TENM3: variants seen among roughly 807,000 people sequenced by gnomAD.
The protein encoded by TENM3 is teneurin-3.
A neutral mutation model predicts 255.1 loss-of-function variants in TENM3; 63 were observed. The ratio of observed to expected loss-of-function variants is 0.25; its 90% CI spans 0.20 to 0.30. The LOEUF (loss-of-function observed/expected upper bound fraction) is 0.30, where lower values mean the gene tolerates loss of function less well. Among genes scored for constraint, TENM3 ranks in the 10% least tolerant of loss-of-function variants. The pLI is 1.00. For missense variants in TENM3, 2,929 were observed against 3,461.1 expected (o/e 0.85, Z 3.86); for synonymous variants, 1,306 against 1,322.3 (o/e 0.99, Z 0.27).
the TENM3 span, among the ~76,000 whole-genome samples, chr4:181,511,938 A>G: frequency 3.3e-5 from 5 of 152,246 alleles, no homozygotes; most frequent in African/African-American, 1.2e-4. Flanking sequence ...GGGGCCCCTA[A>G]GAGTCTGTGT....
chr4:181,544,509 C>A, the TENM3 span, among the ~76,000 whole-genome samples: 1 of 149,908 alleles, frequency 6.7e-6, no homozygotes, highest in African/African-American at 2.4e-5. Context: ...TTCATGGAAG[C>A]ATTTAATTCC....
chr4:181,835,408 T>A, the TENM3 span, among the ~76,000 whole-genome samples: 1 of 152,220 alleles, frequency 6.6e-6, no homozygotes, highest in African/African-American at 2.4e-5. Flanking sequence ...TGGACACATA[T>A]TTACACTTGT....
the TENM3 span, among the ~76,000 whole-genome samples, chr4:181,776,439 G>C: frequency 6.6e-6 from 1 of 152,202 alleles, no homozygotes; most frequent in Non-Finnish European, 1.5e-5. Flanking sequence ...ATACCTAGCA[G>C]TGTGATTGCT....
At chr4:182,780,849 T>C (rs1350107118) in intron 24 of TENM3, among the ~76,000 whole-genome samples, 1 of 150,702 alleles carries the variant, frequency 6.6e-6, no homozygotes, top group Non-Finnish European at 1.5e-5. Context: ...CTGATTTGGC[T>C]CTCTGTTTGT....
At chr4:182,490,270 G>A (rs1735162757) in intron 3 of TENM3, among the ~76,000 whole-genome samples, 1 of 152,152 alleles carries the variant, frequency 6.6e-6, no homozygotes, top group Non-Finnish European at 1.5e-5. Context: ...AAATAAGAGT[G>A]TTTCTCAAAG....
At chr4:182,643,614 A>T (rs1752499744) in intron 5 of TENM3, among the ~76,000 whole-genome samples, 1 of 152,210 alleles carries the variant, frequency 6.6e-6, no homozygotes, top group Non-Finnish European at 1.5e-5. Flanking sequence ...TAAAGCCAGA[A>T]TTCAGACAGG....
chr4:182,198,899 C>T (rs1753997115), intron 1 of TENM3, among the ~76,000 whole-genome samples: 1 of 152,146 alleles, frequency 6.6e-6, no homozygotes, highest in Non-Finnish European at 1.5e-5. Flanking sequence ...ATTGGGAGGC[C>T]TTCCCATAGA....
chr4:182,782,888 T>G (rs1765291719), intron 24 of TENM3, among the ~76,000 whole-genome samples: 1 of 151,172 alleles, frequency 6.6e-6, no homozygotes, highest in Non-Finnish European at 1.5e-5. Flanking sequence ...CCCGGCCTTT[T>G]TTTGTTTTCC....
At chr4:181,633,293 C>T in the TENM3 span, among the ~76,000 whole-genome samples, 1 of 152,120 alleles carries the variant, frequency 6.6e-6, no homozygotes, top group Non-Finnish European at 1.5e-5. Context: ...GATAAGAAAG[C>T]TTATGTAGTC....
the TENM3 span, among the ~76,000 whole-genome samples, chr4:181,736,197 C>T: frequency 6.6e-6 from 1 of 152,070 alleles, no homozygotes; most frequent in African/African-American, 2.4e-5. Context: ...ACTTGGGAGG[C>T]TGAGGCAGGA....
chr4:182,750,868 T>C (rs2152747480), intron 19 of TENM3, among the ~76,000 whole-genome samples: 1 of 152,328 alleles, frequency 6.6e-6, no homozygotes, highest in South Asian at 2.1e-4. Flanking sequence ...TTCAGGTTTT[T>C]GTTCAGAAGA....
At chr4:181,701,414 T>G in the TENM3 span, among the ~76,000 whole-genome samples, 1 of 152,230 alleles carries the variant, frequency 6.6e-6, no homozygotes, top group East Asian at 1.9e-4. Flanking sequence ...TGCATAAACA[T>G]TGATTTAGCC....
At chr4:182,042,432 T>C in the TENM3 span, among the ~76,000 whole-genome samples, 1 of 152,010 alleles carries the variant, frequency 6.6e-6, no homozygotes, top group African/African-American at 2.4e-5. Context: ...TCAGGATGAG[T>C]GTACAGTAAC....
At chr4:181,952,617 T>A in the TENM3 span, among the ~76,000 whole-genome samples, 1 of 152,216 alleles carries the variant, frequency 6.6e-6, no homozygotes, top group Admixed American at 6.5e-5. Context: ...TCAGAAGATA[T>A]AATGACTCAG....
At chr4:182,757,475 G>A (rs994848798) in intron 22 of TENM3, among the ~76,000 whole-genome samples, 19 of 152,058 alleles carry the variant, frequency 1.2e-4, no homozygotes, top group African/African-American at 4.1e-4. Context: ...GTCCTTACTC[G>A]TTCCCAGGAG....
chr4:182,009,763 T>C, the TENM3 span, among the ~76,000 whole-genome samples: 1 of 152,218 alleles, frequency 6.6e-6, no homozygotes, highest in Admixed American at 6.5e-5. Flanking sequence ...TTCGGTTGGC[T>C]TAACCAGATT....
intron 22 of TENM3, among the ~76,000 whole-genome samples, chr4:182,768,659 C>CT (rs1365853153): frequency 6.6e-6 from 1 of 151,870 alleles, no homozygotes; most frequent in Non-Finnish European, 1.5e-5. Flanking sequence ...TGTGATTCTC[C>CT]GAGGCATTTG....
chr4:181,982,701 T>C, the TENM3 span, among the ~76,000 whole-genome samples: 1,169 of 152,278 alleles, frequency 7.7e-3, 11 homozygotes, highest in Non-Finnish European at 0.012. Flanking sequence ...ATGGATTCAA[T>C]TGTTTACTGT....
intron 3 of TENM3, among the ~76,000 whole-genome samples, chr4:182,495,116 C>T (rs1005909231): frequency 9.9e-5 from 15 of 152,168 alleles, no homozygotes; most frequent in African/African-American, 1.7e-4. Flanking sequence ...CAGAGGTTCC[C>T]GCCTTCCTCC....
Sources: allele counts gnomAD v4.1 joint callset (sites outside exome capture counted in the v4.1 genomes callset), GRCh38; gene constraint gnomAD v4.1.1; transcripts MANE v1.5; gene names NCBI Gene and HGNC (gene_info 2026-07-23, HGNC 2026-07-21).